The following PAIP2 variants were observed in gnomAD, a reference collection of about 807,000 sequenced individuals.
The protein encoded by PAIP2 is poly(A) binding protein interacting protein 2.
Under a neutral mutation model 14.8 loss-of-function variants are expected in PAIP2, and 7 were observed. The observed-to-expected ratio is 0.47, with a 90% CI of 0.27 to 0.89. The LOEUF (loss-of-function observed/expected upper bound fraction) is 0.89, where lower values mean the gene tolerates loss of function less well. Ranked by LOEUF, PAIP2 falls within the 40% of genes least tolerant of loss-of-function variation. PAIP2 has a pLI of 0.13. For synonymous variants in PAIP2, 47 were observed against 45.3 expected (o/e 1.04, Z -0.15); for missense variants, 122 against 154.7 (o/e 0.79, Z 1.12).
At chr5:139,364,920 A>G (rs1289865573) in intron 3 of PAIP2, 177 bp downstream of exon 3, 1 of 459,412 alleles carries the variant, frequency 2.2e-6, no homozygotes, top group African/African-American at 2.0e-5. Flanking sequence ...CGAGGCAGGC[A>G]GTTGACTTGA....
intron 1 of PAIP2, among the ~76,000 whole-genome samples, chr5:139,352,935 G>C (rs1032267619): frequency 1.6e-4 from 24 of 151,614 alleles, no homozygotes; most frequent in African/African-American, 5.6e-4. Flanking sequence ...GACCAACGTG[G>C]AGAAACTCCC....
At chr5:139,354,974 C>T (rs564567774) in intron 1 of PAIP2, among the ~76,000 whole-genome samples, 1 of 151,952 alleles carries the variant, frequency 6.6e-6, no homozygotes, top group South Asian at 2.1e-4. Context: ...CACGTGCTAC[C>T]ACATCTGGCT....
intron 1 of PAIP2, among the ~76,000 whole-genome samples, chr5:139,348,925 C>T (rs924524935): frequency 2.6e-5 from 4 of 152,028 alleles, no homozygotes; most frequent in African/African-American, 9.7e-5. Flanking sequence ...ATCTGCCTGC[C>T]TCAGCCTCCC....
At chr5:139,366,197 C>A in intron 3 of PAIP2, among the ~76,000 whole-genome samples, 2 of 114,384 alleles carry the variant, frequency 1.7e-5, no homozygotes, top group South Asian at 3.1e-4. Context: ...AGTGAGACTC[C>A]ACCTCAAAAA....
At chr5:139,349,821 G>A (rs1322967330) in intron 1 of PAIP2, among the ~76,000 whole-genome samples, 5 of 151,474 alleles carry the variant, frequency 3.3e-5, no homozygotes, top group African/African-American at 1.2e-4. Context: ...GGCCAACATG[G>A]TGAAACCCCG....
intron 1 of PAIP2, among the ~76,000 whole-genome samples, chr5:139,352,882 A>G (rs1339640814): frequency 1.3e-5 from 2 of 151,660 alleles, no homozygotes; most frequent in African/African-American, 4.8e-5. Context: ...TTGGGAGGCC[A>G]AAGTGGGCAG....
intron 1 of PAIP2, among the ~76,000 whole-genome samples, chr5:139,349,574 A>C (rs1038598927): frequency 3.3e-5 from 5 of 152,344 alleles, no homozygotes; most frequent in Middle Eastern, 3.4e-3. Context: ...ATTGATAGGA[A>C]AATAGTTAAA....
At chr5:139,364,827 C>G in intron 3 of PAIP2, 84 bp downstream of exon 3, 1 of 879,750 alleles carries the variant, frequency 1.1e-6, no homozygotes, top group Non-Finnish European at 1.8e-6. Context: ...TTTAAGAATT[C>G]TACATCTCTT....
chr5:139,342,144 C>T (rs1160257539), intron 1 of PAIP2, among the ~76,000 whole-genome samples, 164 bp downstream of exon 1: 6 of 152,092 alleles, frequency 3.9e-5, no homozygotes, highest in African/African-American at 1.2e-4. Context: ...GAGGGATGAG[C>T]TTGGGCCGAC....
intron 1 of PAIP2, among the ~76,000 whole-genome samples, chr5:139,350,023 AAGTT>A (rs1756678978): frequency 6.6e-6 from 1 of 151,544 alleles, no homozygotes; most frequent in Non-Finnish European, 1.5e-5. Flanking sequence ...TAAGAAATAA[AAGTT>A]AGCCAGGTGT....
intron 3 of PAIP2, among the ~76,000 whole-genome samples, chr5:139,365,251 C>T (rs757023717): frequency 2.6e-5 from 4 of 151,616 alleles, no homozygotes; most frequent in Non-Finnish European, 2.9e-5. Flanking sequence ...TTTGGGAGGC[C>T]GAGGTGGGTG....
At chr5:139,359,801 C>T (rs1024042090) in intron 1 of PAIP2, among the ~76,000 whole-genome samples, 2 of 151,282 alleles carry the variant, frequency 1.3e-5, no homozygotes, top group African/African-American at 4.9e-5. Context: ...GAAACCCTGT[C>T]TCTACTAAAA....
At chr5:139,361,732 G>A (rs1371579772) in intron 1 of PAIP2, among the ~76,000 whole-genome samples, 1 of 152,028 alleles carries the variant, frequency 6.6e-6, no homozygotes, top group Admixed American at 6.6e-5. Context: ...ATCATTTGAG[G>A]TCTTGAGTTC....
intron 1 of PAIP2, among the ~76,000 whole-genome samples, chr5:139,346,849 T>C (rs1269999260): frequency 4.7e-5 from 7 of 149,238 alleles, no homozygotes; most frequent in African/African-American, 1.7e-4. Flanking sequence ...GCAGTCTCAG[T>C]CTGTTGCTCA....
At chr5:139,354,040 A>T (rs1756833577) in intron 1 of PAIP2, among the ~76,000 whole-genome samples, 1 of 152,208 alleles carries the variant, frequency 6.6e-6, no homozygotes, top group Admixed American at 6.5e-5. Flanking sequence ...TAAATAATGC[A>T]GAAAGAAAGA....
At chr5:139,348,008 C>G (rs1246762505) in intron 1 of PAIP2, among the ~76,000 whole-genome samples, 1 of 152,028 alleles carries the variant, frequency 6.6e-6, no homozygotes, top group Non-Finnish European at 1.5e-5. Context: ...CCCATCTCTA[C>G]TAAAAATACA....
intron 3 of PAIP2, chr5:139,365,001 G>A (rs1429797700): frequency 2.2e-5 from 5 of 231,054 alleles, no homozygotes; most frequent in Admixed American, 1.7e-4. Context: ...AAAATTAGCC[G>A]GGCATGGTAG....
At chr5:139,356,889 G>GAAAA (rs70982774) in intron 1 of PAIP2, among the ~76,000 whole-genome samples, 1 of 112,476 alleles carries the variant, frequency 8.9e-6, no homozygotes, top group African/African-American at 4.5e-5. Context: ...TCTGTCTCCA[G>GAAAA]AAAAAAAAAA....
chr5:139,359,369 C>G (rs1210925215), intron 1 of PAIP2, among the ~76,000 whole-genome samples: 1 of 152,028 alleles, frequency 6.6e-6, no homozygotes, highest in Non-Finnish European at 1.5e-5. Context: ...AAACTCCTGA[C>G]CTCAAGTGAT....
Sources: allele counts gnomAD v4.1 joint callset (sites outside exome capture counted in the v4.1 genomes callset), GRCh38; gene constraint gnomAD v4.1.1; transcripts MANE v1.5; gene names NCBI Gene and HGNC (gene_info 2026-07-23, HGNC 2026-07-21).